CEACAM16: variants seen among roughly 807,000 people sequenced by gnomAD.
CEACAM16 encodes CEA cell adhesion molecule 16, tectorial membrane component, also known as cell adhesion molecule CEACAM16.
A neutral mutation model predicts 39.4 loss-of-function variants in CEACAM16; 30 were observed. The observed-to-expected ratio is 0.76, with a 90% CI of 0.57 to 1.03. The LOEUF (loss-of-function observed/expected upper bound fraction) is 1.03. Among genes scored for constraint, CEACAM16 ranks in the 50% least tolerant of loss-of-function variants. The pLI, the probability that CEACAM16 is intolerant of heterozygous loss-of-function variation, is 0.00. For missense variants in CEACAM16, 521 were observed against 585.3 expected, an observed-to-expected ratio of 0.89 and a Z score of 1.13; for synonymous variants, 262 against 264.9, an observed-to-expected ratio of 0.99 and a Z score of 0.11.
chr19:44,709,893 T>A (rs555871494), intron 6 of CEACAM16, among the ~76,000 whole-genome samples: 3 of 145,720 alleles, frequency 2.1e-5, no homozygotes, highest in Non-Finnish European at 4.6e-5. Context: ...AGAGTCAGGG[T>A]CTATGTCTCC....
intron 6 of CEACAM16, among the ~76,000 whole-genome samples, chr19:44,710,108 C>T (rs934968018): frequency 8.5e-5 from 13 of 152,330 alleles, no homozygotes; most frequent in South Asian, 2.1e-4. Flanking sequence ...TCCCTGAGTC[C>T]GGGATGGTGC....
chr19:44,704,258 GT>G lies in CEACAM16; in HGVS notation c.624del (p.Ser208ArgfsTer10). The G allele has an allele frequency of 2.0e-6, 3 of 1,535,790 alleles. No individual in the cohort carries two copies. Among genetic ancestry groups the G allele is most frequent in the Non-Finnish European group, 2.6e-6 (3 of 1,138,478 alleles). On this transcript the variant is annotated frameshift_variant, in exon 4 of 7. Coordinates refer to ENST00000587331, the MANE Select transcript of CEACAM16 (RefSeq NM_001039213.4). LOFTEE classifies it high-confidence loss of function. ...CAGTGTGAGGTGTGGAACCCGGTCA[GT>G]GTCAGCCGCAGCGAGCCCATCAACC... ...AYQCEVWNPV[S>X]VSRSEPINLT...
Position 44,701,875 on chromosome 19 carries a change from C to T in CEACAM16, c.37+382C>T, listed in dbSNP as rs1380621930. Among the ~76,000 whole-genome samples the T allele has an allele frequency of 1.3e-5, 2 of 152,214 alleles. No individual in the cohort carries two copies. Among genetic ancestry groups the T allele is most frequent in the Non-Finnish European group, 2.9e-5 (2 of 68,034 alleles). ...AGCTTAGGGCAGTTGCCTTTCCCTTCTCAGCCTCTGTGTACCCACCTGTGA... is the reference window on the plus strand; with the variant it reads ...AGCTTAGGGCAGTTGCCTTTCCCTTTTCAGCCTCTGTGTACCCACCTGTGA... On this transcript the variant is annotated intron_variant, in intron 2 of 6. Coordinates refer to ENST00000587331, the MANE Select transcript of CEACAM16 (RefSeq NM_001039213.4). The surrounding 1 kb of genome is among the most constrained non-coding windows in gnomAD (Gnocchi z 4.0).
chr19:44,699,527 C>T lies in CEACAM16; in HGVS notation c.-97+267C>T, dbSNP rs1174899465. 30 of 418,700 alleles carry T rather than the reference C, an allele frequency of 7.2e-5. No homozygotes were observed. In the East Asian group the frequency reaches 1.0e-3, roughly 14 times the overall value. 25.9% of individuals were successfully genotyped at this position (418,700 alleles called of 1,614,324 possible). The stretch of plus-strand genomic sequence containing the variant: ...AAGTAGCTGGGATTACAGGTGCCCG[C>T]GACCACACCCAGCTAATTTTTGTAT... On this transcript the variant is annotated intron_variant, in intron 1 of 6. Coordinates refer to ENST00000587331, the MANE Select transcript of CEACAM16 (RefSeq NM_001039213.4).
chr19:44,709,408 A>G (rs1974501498), intron 6 of CEACAM16, among the ~76,000 whole-genome samples: 1 of 148,914 alleles, frequency 6.7e-6, no homozygotes, highest in African/African-American at 2.5e-5. Context: ...CCTCCATCAG[A>G]CCGGGAGCTC....
intron 6 of CEACAM16, among the ~76,000 whole-genome samples, chr19:44,708,758 T>G (rs1292490259): frequency 6.6e-6 from 1 of 152,122 alleles, no homozygotes; most frequent in African/African-American, 2.4e-5. Context: ...CAAACTGAAA[T>G]AAGGATGATT....
chr19:44,707,818 A>G (rs1599814182), intron 5 of CEACAM16, 43 bp from the exon 6 acceptor site: 3 of 1,451,642 alleles, frequency 2.1e-6, no homozygotes, highest in Non-Finnish European at 1.8e-6. Context: ...ACACCATGCC[A>G]GATGCAGACC....
chr19:44,705,762 C>T lies in CEACAM16; in HGVS notation c.834C>T (p.Leu278=). The T allele has an allele frequency of 6.2e-7, 1 of 1,614,048 alleles. No homozygotes were observed. The highest frequency in any genetic ancestry group is 8.5e-7 in the Non-Finnish European group (1 of 1,179,900). Residue 278 remains leucine (L), a synonymous_variant, in exon 5 of 7, where the codon CTC becomes CTT. Coordinates refer to ENST00000587331, the MANE Select transcript of CEACAM16 (RefSeq NM_001039213.4). The part of the protein sequence containing the change: ...GQALKNGQDH[L]NISSMTAAQE... ...CCCTAAAGAACGGCCAAGACCACCT[C>T]AACATCAGCAGCATGACAGCCGCCC...
chr19:44,703,999 C>A lies in CEACAM16; in HGVS notation c.383-19C>A. ...AGGTGGTGTCCGGCCCCCTCCCCCT[C>A]TGTCTCTTGCCCCCACAGAGATCCT... On this transcript the variant is annotated intron_variant, in intron 3 of 6. Transcript: ENST00000587331. 6.4e-7 allele frequency: 1 copy of A among 1,567,936 alleles called. No homozygotes were observed. The highest frequency in any genetic ancestry group is 8.7e-7 in the Non-Finnish European group (1 of 1,151,790).
rs2122195063 is a variant in CEACAM16, at chr19:44,704,184, C to T, written c.549C>T (p.Gly183=). Residue 183 remains glycine, a synonymous_variant, in exon 4 of 7, where the codon GGC becomes GGT. Coordinates refer to ENST00000587331, the MANE Select transcript of CEACAM16 (RefSeq NM_001039213.4). ...TCCGCCTGGGCCTGTCCCCTGACGG[C>T]CGGGTGCTGGCCAGGCATGGCATCC... is the stretch of plus-strand genomic sequence containing the variant. ...VALRLGLSPD[G]RVLARHGIRR... 6.4e-7 allele frequency: 1 copy of T among 1,572,432 alleles called. No individual in the cohort carries two copies. Among genetic ancestry groups the T allele is most frequent in the South Asian group, 1.2e-5 (1 of 85,798 alleles).
Position 44,705,852 on chromosome 19 carries a change from C to T in CEACAM16, c.924C>T (p.Val308=), listed in dbSNP as rs537505779. ...TKTLLSGSAS[V]VVKLSAAAVA... is the part of the protein sequence containing the mutation. ...CCCTGCTATCTGGATCTGCCTCAGT[C>T]GTGGTCAAGCTCTCTGGTGAGTCAC... The change falls in exon 5 of 7, where the codon GTC becomes GTT. Residue 308 remains valine (V), a synonymous_variant. Transcript: ENST00000587331. The T allele has an allele frequency of 8.1e-6, 13 of 1,612,228 alleles. No individual in the cohort carries two copies. Among genetic ancestry groups the T allele is most frequent in the African/African-American group, 5.3e-5 (4 of 75,022 alleles).
chr19:44,707,890 G>T lies in CEACAM16; in HGVS notation c.970G>T (p.Val324Leu). The change falls in exon 6 of 7, where the codon GTG becomes TTG. Residue 324 changes from valine to leucine, a missense_variant. Coordinates refer to ENST00000587331, the MANE Select transcript of CEACAM16 (RefSeq NM_001039213.4). ...AGCAGTTGCCACGATGATCGTGCCC[G>T]TGCCCACCAAGCCAACGGAGGGCCA... ...AAAVATMIVP[V>L]PTKPTEGQDV... The T allele has an allele frequency of 6.4e-7, 1 of 1,560,448 alleles. No individual in the cohort carries two copies. Among genetic ancestry groups the T allele is most frequent in the African/African-American group, 1.4e-5 (1 of 74,044 alleles).
At chr19:44,700,048 C>CTCAG (rs1974320457) in intron 1 of CEACAM16, among the ~76,000 whole-genome samples, 2 of 152,208 alleles carry the variant, frequency 1.3e-5, no homozygotes, top group South Asian at 4.1e-4. Context: ...CTCTGTCACC[C>CTCAG]AGGCTGGAGT....
intron 5 of CEACAM16, 120 bp from the exon 6 acceptor site, chr19:44,707,741 C>T (rs1974471450): frequency 9.7e-6 from 8 of 823,660 alleles, no homozygotes; most frequent in Non-Finnish European, 1.3e-5. Context: ...TCCTCAGTCT[C>T]CTTCCCAGCA....
chr19:44,699,376 A>C lies in CEACAM16; in HGVS notation c.-97+116A>C, dbSNP rs752784327. On this transcript the variant is annotated intron_variant, in intron 1 of 6. Coordinates refer to ENST00000587331, the MANE Select transcript of CEACAM16 (RefSeq NM_001039213.4). ...GAAACTGAGGCTTGGCAGAGTCCATAAATTGCCCAGGGTCCTGGAGGTAGG... is the reference window on the plus strand; with the variant it reads ...GAAACTGAGGCTTGGCAGAGTCCATCAATTGCCCAGGGTCCTGGAGGTAGG... The C allele has an allele frequency of 1.0e-5, 5 of 495,398 alleles. No individual in the cohort carries two copies. The East Asian group carries it at 2.9e-4, about 28-fold the overall frequency. The allele number at this position is 495,398 out of a possible 1,614,324, so 30.7% of individuals were successfully genotyped here. A position where few individuals can be genotyped will look rare whatever the true frequency, so the allele number is the denominator to read the frequency against.
Position 44,704,046 on chromosome 19 carries a change from C to T in CEACAM16, c.411C>T (p.Ala137=). ...TCCTGGCCCAGCCCACAGTCTTGGCCAACAGCACAGCGCTGGTGGAACGTC... is the reference window on the plus strand; with the variant it reads ...TCCTGGCCCAGCCCACAGTCTTGGCTAACAGCACAGCGCTGGTGGAACGTC... The part of the protein sequence containing the change: ...HEILAQPTVL[A]NSTALVERRD... The change falls in exon 4 of 7, where the codon GCC becomes GCT. Residue 137 remains alanine (A), a synonymous_variant. Transcript: ENST00000587331. The T allele has an allele frequency of 6.2e-7, 1 of 1,607,068 alleles. No individual in the cohort carries two copies. The highest frequency in any genetic ancestry group is 8.5e-7 in the Non-Finnish European group (1 of 1,176,348).
chr19:44,705,775 A>G lies in CEACAM16; in HGVS notation c.847A>G (p.Met283Val). The change falls in exon 5 of 7, where the codon ATG becomes GTG. Residue 283 changes from methionine (M) to valine (V), a missense_variant. Physicochemically the swap from Met to Val is conservative, Grantham distance 21 (BLOSUM62 1). Coordinates refer to ENST00000587331, the MANE Select transcript of CEACAM16 (RefSeq NM_001039213.4). ...CCAAGACCACCTCAACATCAGCAGCATGACAGCCGCCCAGGAGGGGACGTA... is the reference window on the plus strand; with the variant it reads ...CCAAGACCACCTCAACATCAGCAGCGTGACAGCCGCCCAGGAGGGGACGTA... Reference protein sequence around the residue: ...NGQDHLNISSMTAAQEGTYTC... With the variant: ...NGQDHLNISSVTAAQEGTYTC... 1 of 1,614,032 alleles carries G rather than the reference A, an allele frequency of 6.2e-7. No individual in the cohort carries two copies. The highest frequency in any genetic ancestry group is 8.5e-7 in the Non-Finnish European group (1 of 1,179,894).
At chr19:44,710,423 T>G in intron 6 of CEACAM16, 73 bp from the exon 7 acceptor site, 1 of 1,543,280 alleles carries the variant, frequency 6.5e-7, no homozygotes, top group Non-Finnish European at 8.9e-7. Context: ...GCAGAAGGGG[T>G]GGGGGCACTG....
chr19:44,699,733 A>C (rs1325114318), intron 1 of CEACAM16, among the ~76,000 whole-genome samples: 1 of 152,118 alleles, frequency 6.6e-6, no homozygotes, highest in Admixed American at 6.6e-5. Flanking sequence ...TACCAATCAG[A>C]CCCACGTCCA....
Sources: allele counts gnomAD v4.1 joint callset (sites outside exome capture counted in the v4.1 genomes callset), GRCh38; gene constraint gnomAD v4.1.1; non-coding constraint Gnocchi (gnomAD v3.1); transcripts MANE v1.5; gene names NCBI Gene and HGNC (gene_info 2026-07-23, HGNC 2026-07-21).